CHSY3: variants seen among roughly 807,000 people sequenced by gnomAD.
CHSY3 encodes the protein chondroitin sulfate synthase 3.
In CHSY3, 35 loss-of-function variants were observed where a neutral mutation model predicts 67.2. That is an observed-to-expected ratio of 0.52 (90% CI 0.40 to 0.69). The LOEUF (loss-of-function observed/expected upper bound fraction) is 0.69, where lower values mean the gene tolerates loss of function less well. Ranked by LOEUF, CHSY3 falls within the 30% of genes least tolerant of loss-of-function variation. The pLI is 0.00. For missense variants in CHSY3, 1,069 were observed against 1,138.5 expected (o/e 0.94, Z 0.88); for synonymous variants, 474 against 434.7 (o/e 1.09, Z -1.12).
At chr5:130,151,141 G>C (rs1054291238) in intron 2 of CHSY3, among the ~76,000 whole-genome samples, 15 of 152,290 alleles carry the variant, frequency 9.8e-5, no homozygotes, top group Admixed American at 9.2e-4. Context: ...TTCTGTGATA[G>C]GTTATACATT....
chr5:130,140,710 A>C, intron 2 of CHSY3: 1 of 293,586 alleles, frequency 3.4e-6, no homozygotes, highest in Non-Finnish European at 6.2e-6. Context: ...TGGGTTGAGA[A>C]GACTTTGATA....
chr5:130,016,682 C>G (rs1022198977), intron 2 of CHSY3, among the ~76,000 whole-genome samples: 3 of 152,138 alleles, frequency 2.0e-5, no homozygotes, highest in Admixed American at 6.5e-5. Context: ...GTGCTGGGAT[C>G]ACAGGCGTGA....
At position 130,143,059 on chromosome 5, in the gene CHSY3, A is replaced by T. The variant is rs756442204; in HGVS notation, c.1087-41170A>T. Among the ~76,000 whole-genome samples, 4 of 152,324 alleles carry T rather than the reference A, an allele frequency of 2.6e-5. No homozygotes were observed. In the Middle Eastern group the frequency reaches 0.01, roughly 389 times the overall value. On this transcript the variant is annotated intron_variant, in intron 2 of 2. Transcript: ENST00000305031. ...CTACTGTTAATGCTATCTTTTCACC[A>T]TAGCGCATTGCTAGCATTTCAGTGT...
At chr5:129,943,073 T>G (rs998477857) in intron 2 of CHSY3, among the ~76,000 whole-genome samples, 1 of 152,210 alleles carries the variant, frequency 6.6e-6, no homozygotes, top group Non-Finnish European at 1.5e-5. Flanking sequence ...GTTTTTATGA[T>G]GCCATTATAA....
intron 2 of CHSY3, among the ~76,000 whole-genome samples, chr5:130,068,368 TG>T (rs1304677297): frequency 3.5e-4 from 53 of 152,146 alleles, no homozygotes; most frequent in African/African-American, 1.1e-3. Flanking sequence ...CTGTACATGA[TG>T]GTCCACGTGC....
At chr5:130,044,683 T>C (rs1375764974) in intron 2 of CHSY3, among the ~76,000 whole-genome samples, 1 of 152,084 alleles carries the variant, frequency 6.6e-6, no homozygotes, top group Non-Finnish European at 1.5e-5. Context: ...ATATGTATTA[T>C]AAAGAAGATG....
intron 2 of CHSY3, among the ~76,000 whole-genome samples, chr5:130,042,702 G>A (rs1009802678): frequency 3.3e-5 from 5 of 151,952 alleles, no homozygotes; most frequent in African/African-American, 4.8e-5. Context: ...ATTACAGTTA[G>A]CAGGACAGTT....
chr5:129,964,348 G>C (rs1421838003), intron 2 of CHSY3, among the ~76,000 whole-genome samples: 1 of 151,868 alleles, frequency 6.6e-6, no homozygotes, highest in African/African-American at 2.4e-5. Context: ...AGCATCTTCT[G>C]TTTCATCAGT....
intron 2 of CHSY3, among the ~76,000 whole-genome samples, chr5:130,098,342 T>TAC (rs1363514660): frequency 1.3e-5 from 2 of 152,194 alleles, no homozygotes; most frequent in Non-Finnish European, 2.9e-5. Context: ...TTGGAAGGTA[T>TAC]ACACACCCAC....
chr5:129,948,807 G>A (rs897395466), intron 2 of CHSY3, among the ~76,000 whole-genome samples: 6 of 152,156 alleles, frequency 3.9e-5, no homozygotes, highest in African/African-American at 1.4e-4. Context: ...CACCAGCAGT[G>A]TAAAAGTGTT....
intron 2 of CHSY3, among the ~76,000 whole-genome samples, chr5:130,153,647 C>T (rs1769292480): frequency 6.6e-6 from 1 of 152,148 alleles, no homozygotes; most frequent in Non-Finnish European, 1.5e-5. Flanking sequence ...CCTGATGTCA[C>T]CTCTGCAAGT....
intron 2 of CHSY3, among the ~76,000 whole-genome samples, chr5:130,062,124 C>G (rs932354417): frequency 6.6e-6 from 1 of 150,972 alleles, no homozygotes; most frequent in Non-Finnish European, 1.5e-5. Context: ...TTCACAATAG[C>G]AAAGTGATAG....
At chr5:129,918,322 G>A (rs1454943030) in intron 2 of CHSY3, among the ~76,000 whole-genome samples, 3 of 152,116 alleles carry the variant, frequency 2.0e-5, no homozygotes, top group African/African-American at 7.2e-5. Flanking sequence ...TCTTATGAGT[G>A]GAATGTCTAC....
chr5:129,995,544 T>C (rs1763512944), intron 2 of CHSY3, among the ~76,000 whole-genome samples: 2 of 151,562 alleles, frequency 1.3e-5, no homozygotes, highest in African/African-American at 4.8e-5. Flanking sequence ...AGTCTCACTC[T>C]GTTGCCCAGG....
intron 2 of CHSY3, among the ~76,000 whole-genome samples, chr5:129,917,203 C>T (rs1244635805): frequency 6.6e-6 from 1 of 152,126 alleles, no homozygotes; most frequent in Non-Finnish European, 1.5e-5. Context: ...CCTCTCTGTG[C>T]CTTTGTTTCC....
chr5:130,051,319 A>C (rs1765348353), intron 2 of CHSY3, among the ~76,000 whole-genome samples: 1 of 152,164 alleles, frequency 6.6e-6, no homozygotes, highest in Non-Finnish European at 1.5e-5. Context: ...ATTGAAAATC[A>C]CTATAGAACT....
At chr5:130,005,589 T>C (rs1453649462) in intron 2 of CHSY3, among the ~76,000 whole-genome samples, 1 of 152,232 alleles carries the variant, frequency 6.6e-6, no homozygotes, top group African/African-American at 2.4e-5. Context: ...TAAAAACTCA[T>C]GATATTTAAG....
intron 2 of CHSY3, among the ~76,000 whole-genome samples, chr5:130,050,726 C>G (rs1765316260): frequency 6.6e-6 from 1 of 152,142 alleles, no homozygotes; most frequent in East Asian, 1.9e-4. Flanking sequence ...TTTCACTAGG[C>G]CTATGTAAAT....
intron 1 of CHSY3, chr5:129,905,941 T>TA (rs1270265777): frequency 4.6e-6 from 2 of 437,928 alleles, no homozygotes; most frequent in African/African-American, 4.2e-5. Flanking sequence ...AAAGGAACCT[T>TA]AGAGCTAAAC....
Sources: gnomAD v4.1 joint callset for allele counts (sites outside exome capture counted in the v4.1 genomes callset) on GRCh38, gnomAD v4.1.1 for gene constraint, MANE v1.5 for transcripts, NCBI Gene and HGNC (gene_info 2026-07-23, HGNC 2026-07-21) for gene names.